CSMD1: variants seen among roughly 807,000 people sequenced by gnomAD.
The protein encoded by CSMD1 is CUB and Sushi multiple domains 1.
In CSMD1, 213 loss-of-function variants were observed where a neutral mutation model predicts 417.5. The ratio of observed to expected loss-of-function variants is 0.51; its 90% CI spans 0.46 to 0.57. The LOEUF (loss-of-function observed/expected upper bound fraction) is 0.57, where lower values mean the gene tolerates loss of function less well. CSMD1 is among the 20% of genes least tolerant of loss of function. CSMD1 has a pLI of 0.00. For synonymous variants in CSMD1, 2,862 were observed against 1,736.8 expected (o/e 1.65, Z -16.11); for missense variants, 6,923 against 4,529.7 (o/e 1.53, Z -15.17).
chr8:3,978,721 A>G (rs1392248093), intron 5 of CSMD1, among the ~76,000 whole-genome samples: 1 of 152,074 alleles, frequency 6.6e-6, no homozygotes, highest in Non-Finnish European at 1.5e-5. Flanking sequence ...TCTGATATTG[A>G]TGTAAAAAGA....
intron 3 of CSMD1, among the ~76,000 whole-genome samples, chr8:4,269,547 C>G (rs1804440096): frequency 6.6e-6 from 1 of 152,162 alleles, no homozygotes; most frequent in African/African-American, 2.4e-5. Context: ...TCGCATTCAT[C>G]TGGTAGCTTT....
chr8:3,659,034 T>G (rs1286070700), intron 7 of CSMD1, among the ~76,000 whole-genome samples: 1 of 152,216 alleles, frequency 6.6e-6, no homozygotes, highest in Non-Finnish European at 1.5e-5. Context: ...GTCATTTAAT[T>G]AACACGGCGC....
At chr8:4,521,537 A>G (rs776803077) in intron 2 of CSMD1, among the ~76,000 whole-genome samples, 4 of 152,240 alleles carry the variant, frequency 2.6e-5, no homozygotes, top group African/African-American at 4.8e-5. Flanking sequence ...CTTGTCTACT[A>G]TAGCAGTGAT....
intron 2 of CSMD1, among the ~76,000 whole-genome samples, chr8:4,431,169 G>T (rs1164914961): frequency 2.0e-5 from 3 of 152,058 alleles, no homozygotes; most frequent in African/African-American, 7.2e-5. Flanking sequence ...GGCAAGGGAG[G>T]GGAGTAGGTA....
chr8:3,571,320 T>G (rs557006321), intron 10 of CSMD1, among the ~76,000 whole-genome samples: 44 of 152,336 alleles, frequency 2.9e-4, no homozygotes, highest in African/African-American at 1.0e-3. Flanking sequence ...GGCACCTTGC[T>G]ATCTCTGTGC....
chr8:4,777,401 A>T (rs1381579025), intron 1 of CSMD1, among the ~76,000 whole-genome samples: 2 of 152,184 alleles, frequency 1.3e-5, no homozygotes, highest in South Asian at 2.1e-4. Context: ...GAGATGTCTC[A>T]GGGGGACATC....
At chr8:3,349,177 G>T (rs1808223426) in intron 21 of CSMD1, among the ~76,000 whole-genome samples, 1 of 152,188 alleles carries the variant, frequency 6.6e-6, no homozygotes, top group African/African-American at 2.4e-5. Flanking sequence ...ACTGAGAGCA[G>T]GAGAGAAGGA....
intron 1 of CSMD1, among the ~76,000 whole-genome samples, chr8:4,733,116 C>G (rs180718921): frequency 7.8e-4 from 119 of 152,240 alleles, no homozygotes; most frequent in African/African-American, 2.8e-3. Flanking sequence ...GAATAGAAGG[C>G]AACCATTCAT....
intron 1 of CSMD1, among the ~76,000 whole-genome samples, chr8:4,958,345 G>C (rs750809312): frequency 1.3e-5 from 2 of 151,978 alleles, no homozygotes; most frequent in African/African-American, 4.8e-5. Context: ...CAAGTTAAAG[G>C]TGAACATGGT....
chr8:4,693,037 C>A (rs1806876824), intron 1 of CSMD1, among the ~76,000 whole-genome samples: 1 of 152,192 alleles, frequency 6.6e-6, no homozygotes, highest in South Asian at 2.1e-4. Context: ...AGAGGCCAAT[C>A]TTCTCTGGGT....
At chr8:3,280,199 A>T (rs1802624316) in intron 26 of CSMD1, among the ~76,000 whole-genome samples, 2 of 126,498 alleles carry the variant, frequency 1.6e-5, no homozygotes, top group African/African-American at 5.1e-5. Flanking sequence ...GCCACAGAGT[A>T]GTTAAAGGAA....
intron 1 of CSMD1, among the ~76,000 whole-genome samples, chr8:4,752,964 T>C (rs1237031748): frequency 2.0e-5 from 3 of 152,102 alleles, no homozygotes; most frequent in Non-Finnish European, 4.4e-5. Context: ...CCAAAGAAAA[T>C]CATTACTTTA....
At chr8:4,855,983 T>G (rs989621143) in intron 1 of CSMD1, among the ~76,000 whole-genome samples, 9 of 151,028 alleles carry the variant, frequency 6.0e-5, no homozygotes, top group East Asian at 3.9e-4. Flanking sequence ...AAAGTTGAAA[T>G]GAAGGAAAAA....
At chr8:4,299,320 T>C (rs762674476) in intron 3 of CSMD1, among the ~76,000 whole-genome samples, 49 of 152,320 alleles carry the variant, frequency 3.2e-4, no homozygotes, top group Non-Finnish European at 5.4e-4. Context: ...ACGCACTTTT[T>C]AAATAATTAC....
intron 27 of CSMD1, among the ~76,000 whole-genome samples, chr8:3,227,416 A>T (rs1798573220): frequency 1.3e-5 from 2 of 152,022 alleles, no homozygotes; most frequent in Non-Finnish European, 2.9e-5. Flanking sequence ...AACAAAACAA[A>T]CACGTTTTAA....
intron 4 of CSMD1, among the ~76,000 whole-genome samples, 168 bp downstream of exon 4, chr8:4,031,737 T>C (rs1797357521): frequency 6.6e-6 from 1 of 152,256 alleles, no homozygotes; most frequent in South Asian, 2.1e-4. Context: ...TGTTATTTCT[T>C]ACATAGTAAT....
At chr8:4,304,633 C>G (rs1798148517) in intron 3 of CSMD1, among the ~76,000 whole-genome samples, 1 of 152,160 alleles carries the variant, frequency 6.6e-6, no homozygotes, top group South Asian at 2.1e-4. Context: ...TCAGATTCCC[C>G]TCACTGCTAC....
At chr8:3,866,941 G>A (rs889102944) in intron 5 of CSMD1, among the ~76,000 whole-genome samples, 3 of 152,278 alleles carry the variant, frequency 2.0e-5, no homozygotes, top group South Asian at 2.1e-4. Flanking sequence ...GTATGGATTT[G>A]TAAGTACCAC....
intron 2 of CSMD1, among the ~76,000 whole-genome samples, chr8:4,534,372 A>G (rs531883797): frequency 6.6e-6 from 1 of 152,150 alleles, no homozygotes; most frequent in African/African-American, 2.4e-5. Context: ...CTGCCTTTGC[A>G]TGGATGGTTT....
Sources: allele counts gnomAD v4.1 joint callset (sites outside exome capture counted in the v4.1 genomes callset), GRCh38; gene constraint gnomAD v4.1.1; transcripts MANE v1.5; gene names NCBI Gene and HGNC (gene_info 2026-07-23, HGNC 2026-07-21).